STEAP4: variants seen among roughly 807,000 people sequenced by gnomAD.
The protein encoded by STEAP4 is STEAP4 metalloreductase.
Under a neutral mutation model 43.6 loss-of-function variants are expected in STEAP4, and 36 were observed. That is an observed-to-expected ratio of 0.83 (90% CI 0.63 to 1.09). The LOEUF (loss-of-function observed/expected upper bound fraction) is 1.09. Among genes scored for constraint, STEAP4 ranks in the 50% least tolerant of loss-of-function variants. STEAP4 has a pLI of 0.00. For synonymous variants in STEAP4, 191 were observed against 196.7 expected (o/e 0.97, Z 0.24); for missense variants, 495 against 546.5 (o/e 0.91, Z 0.94).
chr7:88,288,560 C>G (rs1852779102), intron 1 of STEAP4, among the ~76,000 whole-genome samples: 1 of 152,168 alleles, frequency 6.6e-6, no homozygotes, highest in African/African-American at 2.4e-5. Flanking sequence ...AGGTCCTCTT[C>G]CTACATCATT....
chr7:88,303,592 ACT>A (rs1853077218), intron 1 of STEAP4, among the ~76,000 whole-genome samples: 1 of 152,164 alleles, frequency 6.6e-6, no homozygotes. Flanking sequence ...GGCTGAATAA[ACT>A]CTTACAGAAC....
chr7:88,282,964 T>C lies in STEAP4; in HGVS notation c.661A>G (p.Arg221Gly). 6.2e-7 allele frequency: 1 copy of C among 1,613,682 alleles called. No individual in the cohort carries two copies. Among genetic ancestry groups the C allele is most frequent in the East Asian group, 2.2e-5 (1 of 44,878 alleles). Residue 221 changes from arginine (R) to glycine (G), a missense_variant, in exon 3 of 5, where the codon AGA (arginine) becomes GGA (glycine). Transcript: ENST00000380079. ...CVFLFFYCVIRDVIYPYVYEK... is the reference protein window; with the variant it reads ...CVFLFFYCVIGDVIYPYVYEK... ...TAAACATAAGGGTAGATTACGTCTC[T>C]TATAACACAATAGAAAAACAAGAAG...
chr7:88,295,705 C>G (rs1485987532), intron 1 of STEAP4, among the ~76,000 whole-genome samples: 1 of 152,126 alleles, frequency 6.6e-6, no homozygotes, highest in African/African-American at 2.4e-5. Context: ...AGAGCCCAGG[C>G]ATCTGTATTT....
intron 1 of STEAP4, among the ~76,000 whole-genome samples, chr7:88,287,632 C>T (rs1586747280): frequency 6.6e-6 from 1 of 152,050 alleles, no homozygotes; most frequent in African/African-American, 2.4e-5. Context: ...TAGAGGGGAT[C>T]GCAGAAGTGG....
chr7:88,286,008 G>A (rs944239727), intron 1 of STEAP4, among the ~76,000 whole-genome samples: 14 of 152,054 alleles, frequency 9.2e-5, no homozygotes, highest in Non-Finnish European at 1.9e-4. Flanking sequence ...AGTCCCGAAA[G>A]TTTTTTCCTT....
chr7:88,284,329 T>A, intron 1 of STEAP4, 58 bp from the exon 2 acceptor site: 1 of 1,184,282 alleles, frequency 8.4e-7, no homozygotes, highest in Non-Finnish European at 1.2e-6. Flanking sequence ...CCTGGAAAAT[T>A]AAAGAGAGCT....
At chr7:88,296,827 T>C (rs1852932072) in intron 1 of STEAP4, among the ~76,000 whole-genome samples, 1 of 152,152 alleles carries the variant, frequency 6.6e-6, no homozygotes, top group African/African-American at 2.4e-5. Context: ...AACTACATAT[T>C]CTTTTATTGG....
At chr7:88,304,640 TTGTGTGTGTGTGTG>T (rs148793788) in intron 1 of STEAP4, among the ~76,000 whole-genome samples, 1 of 147,714 alleles carries the variant, frequency 6.8e-6, no homozygotes, top group African/African-American at 2.5e-5. Context: ...GTTGCTGCTG[TTGTGTGTGTGTGTG>T]TGTGTGTGTG....
In STEAP4 at chr7:88,276,328, T is replaced by C. The variant is rs1024749240; in HGVS notation, c.*3070A>G. The stretch of plus-strand genomic sequence containing the variant: ...TTTTGCTTATCCCTGAAGGGAAGTA[T>C]TTTTAGTCCCAGATGCTGGAACTAC... On this transcript the variant is annotated 3_prime_UTR_variant, in exon 5 of 5. Coordinates refer to ENST00000380079, the MANE Select transcript of STEAP4 (RefSeq NM_024636.4). 1 of 152,244 alleles carries C rather than the reference T, an allele frequency of 6.6e-6. No individual in the cohort carries two copies. Among genetic ancestry groups the C allele is most frequent in the Admixed American group, 6.5e-5 (1 of 15,284 alleles). The allele number at this position is 152,244 out of a possible 1,614,324, so 9.4% of individuals were successfully genotyped here.
chr7:88,305,090 G>A (rs988532560), intron 1 of STEAP4, among the ~76,000 whole-genome samples: 1 of 152,200 alleles, frequency 6.6e-6, no homozygotes, highest in African/African-American at 2.4e-5. Context: ...TAGTAAGGCA[G>A]AAGTCTGGAA....
At chr7:88,287,914 G>C (rs779778876) in intron 1 of STEAP4, among the ~76,000 whole-genome samples, 1 of 152,174 alleles carries the variant, frequency 6.6e-6, no homozygotes, top group Non-Finnish European at 1.5e-5. Context: ...TTTTGTTTCA[G>C]AGCCAAACCA....
At position 88,284,166 on chromosome 7, in the gene STEAP4, C is replaced by A. The variant is rs778173123; in HGVS notation, c.104G>T (p.Gly35Val). Residue 35 changes from glycine (G) to valine (V), a missense_variant, in exon 2 of 5, where the codon GGA (glycine) becomes GTA (valine). Coordinates refer to ENST00000380079, the MANE Select transcript of STEAP4 (RefSeq NM_024636.4). ...ATAACCACACTGGAGCATTTTCAAT[C>A]CCAGTGATCTTCCAAAATCACCAGT... is the stretch of plus-strand genomic sequence containing the variant. ...FGTGDFGRSL[G>V]LKMLQCGYSV... The A allele has an allele frequency of 6.2e-7, 1 of 1,614,124 alleles. No individual in the cohort carries two copies. The highest frequency in any genetic ancestry group is 8.5e-7 in the Non-Finnish European group (1 of 1,180,016).
chr7:88,284,038 T>A lies in STEAP4; in HGVS notation c.232A>T (p.Ile78Phe). ...SEAAKKSGII[I>F]IAIHREHYDF... is the part of the protein sequence containing the mutation. ...TAATGCTCTCTGTGGATTGCTATGATTATGATGCCAGACTTCTTGGCTGCT... is the reference window on the plus strand; with the variant it reads ...TAATGCTCTCTGTGGATTGCTATGAATATGATGCCAGACTTCTTGGCTGCT... The change falls in exon 2 of 5, where the codon ATC (isoleucine) becomes TTC (phenylalanine). Residue 78 changes from isoleucine to phenylalanine, a missense_variant. Physicochemically the swap from Ile to Phe is conservative, Grantham distance 21. Coordinates refer to ENST00000380079, the MANE Select transcript of STEAP4 (RefSeq NM_024636.4). The A allele has an allele frequency of 6.2e-7, 1 of 1,614,160 alleles. No homozygotes were observed. The highest frequency in any genetic ancestry group is 1.3e-5 in the African/African-American group (1 of 75,044).
chr7:88,278,170 T>C lies in STEAP4; in HGVS notation c.*1228A>G, dbSNP rs925625784. The C allele has an allele frequency of 1.3e-5, 2 of 152,142 alleles. No individual in the cohort carries two copies. The highest frequency in any genetic ancestry group is 4.8e-5 in the African/African-American group (2 of 41,452). The allele number at this position is 152,142 out of a possible 1,614,324, so 9.4% of individuals were successfully genotyped here. ...CATGCATAAGGCTCCTTTTAGCTCA[T>C]TGCTTGAGCTAGGAAGGTTAATCCC... On this transcript the variant is annotated 3_prime_UTR_variant, in exon 5 of 5. Coordinates refer to ENST00000380079, the MANE Select transcript of STEAP4 (RefSeq NM_024636.4).
intron 1 of STEAP4, among the ~76,000 whole-genome samples, chr7:88,294,574 C>G (rs1852895170): frequency 6.6e-6 from 1 of 152,032 alleles, no homozygotes; most frequent in Non-Finnish European, 1.5e-5. Context: ...GTGTAAGCAG[C>G]CTGGGGCCAA....
chr7:88,284,175 C>G lies in STEAP4; in HGVS notation c.95G>C (p.Arg32Thr), dbSNP rs1205303069. 3 of 1,614,010 alleles carry G rather than the reference C, an allele frequency of 1.9e-6. No homozygotes were observed. ...CTGGAGCATTTTCAATCCCAGTGAT[C>G]TTCCAAAATCACCAGTTCCAAAAAT... ...VCIFGTGDFG[R>T]SLGLKMLQCG... Residue 32 changes from arginine (R) to threonine (T), a missense_variant, in exon 2 of 5, where the codon AGA becomes ACA. Arg to Thr is a moderately conservative substitution (Grantham distance 71, BLOSUM62 -1). Transcript: ENST00000380079.
At chr7:88,293,997 A>T (rs894442428) in intron 1 of STEAP4, among the ~76,000 whole-genome samples, 1 of 152,200 alleles carries the variant, frequency 6.6e-6, no homozygotes, top group African/African-American at 2.4e-5. Flanking sequence ...AAATTAAAAA[A>T]AATGCTTAAA....
intron 1 of STEAP4, among the ~76,000 whole-genome samples, chr7:88,295,727 C>T (rs1852913118): frequency 6.6e-6 from 1 of 152,108 alleles, no homozygotes; most frequent in African/African-American, 2.4e-5. Flanking sequence ...AAAAGCCAAA[C>T]TAAAACAAAC....
rs1053544097 is a variant in STEAP4, at chr7:88,278,595, T to C, written c.*803A>G. The C allele has an allele frequency of 3.3e-5, 5 of 152,236 alleles. No individual in the cohort carries two copies. The East Asian group carries it at 5.8e-4, about 18-fold the overall frequency. 9.4% of individuals were successfully genotyped at this position (152,236 alleles called of 1,614,324 possible). ...CTTGCTGTCTAAAATTCTGGTTTCTTTGAACTTTTTGATCAAGAACTTTTA... is the reference window on the plus strand; with the variant it reads ...CTTGCTGTCTAAAATTCTGGTTTCTCTGAACTTTTTGATCAAGAACTTTTA... On this transcript the variant is annotated 3_prime_UTR_variant, in exon 5 of 5. Transcript: ENST00000380079.
Sources: allele counts gnomAD v4.1 joint callset (sites outside exome capture counted in the v4.1 genomes callset), GRCh38; gene constraint gnomAD v4.1.1; transcripts MANE v1.5; gene names NCBI Gene and HGNC (gene_info 2026-07-23, HGNC 2026-07-21).